IQCH: variants seen among roughly 807,000 people sequenced by gnomAD.
IQCH encodes IQ motif containing H, also known as IQ domain-containing protein H.
In IQCH, 98 loss-of-function variants were observed where a neutral mutation model predicts 117.0. The observed-to-expected ratio is 0.84, with a 90% CI of 0.71 to 0.99. IQCH has a LOEUF of 0.99. Ranked by LOEUF, IQCH falls within the 50% of genes least tolerant of loss-of-function variation. IQCH has a pLI of 0.00. For synonymous variants in IQCH, 412 were observed against 448.2 expected (o/e 0.92, Z 1.02); for missense variants, 1,102 against 1,243.8 (o/e 0.89, Z 1.72).
intron 12 of IQCH, 84 bp downstream of exon 12, chr15:67,389,090 C>A: frequency 9.8e-7 from 1 of 1,023,614 alleles, no homozygotes; most frequent in Non-Finnish European, 1.5e-6. Flanking sequence ...CGCTCTGGTA[C>A]ACATCAGTGA....
intron 15 of IQCH, among the ~76,000 whole-genome samples, chr15:67,418,636 T>C (rs2081641712): frequency 6.9e-6 from 1 of 144,534 alleles, no homozygotes; most frequent in Non-Finnish European, 1.5e-5. Context: ...TGGAGTGCAA[T>C]GGTGCGATCT....
At chr15:67,440,984 A>G (rs1392434625) in intron 16 of IQCH, among the ~76,000 whole-genome samples, 1 of 152,138 alleles carries the variant, frequency 6.6e-6, no homozygotes, top group African/African-American at 2.4e-5. Flanking sequence ...TCCTCCAGAA[A>G]GCTCCTAGAA....
rs749382813 is a variant in IQCH at position 67,372,192 on chromosome 15, A to G, written c.835A>G (p.Asn279Asp). The stretch of plus-strand genomic sequence containing the variant: ...TTTAATTTATGATGGTGTCATAGAC[A>G]ATACAGCCCCAGACTTCTTAGCATT... Reference protein sequence around the residue: ...DFLIYDGVIDNTAPDFLAFKE... With the variant: ...DFLIYDGVIDDTAPDFLAFKE... The change falls in exon 9 of 21, where the codon AAT becomes GAT. Residue 279 changes from asparagine (N) to aspartate (D), a missense_variant. By Grantham distance (23) the Asn-to-Asp change is conservative. Transcript: ENST00000335894. 1.2e-6 allele frequency: 2 copies of G among 1,614,004 alleles called. No individual in the cohort carries two copies. Among genetic ancestry groups the G allele is most frequent in the East Asian group, 4.5e-5 (2 of 44,894 alleles).
Position 67,472,432 on chromosome 15 carries a change from A to G in IQCH, c.2677-3264A>G, listed in dbSNP as rs1195429529. 6.6e-6 allele frequency among the ~76,000 whole-genome samples: 1 copy of G among 152,222 alleles called. No homozygotes were observed. Among genetic ancestry groups the G allele is most frequent in the Non-Finnish European group, 1.5e-5 (1 of 68,042 alleles). ...TCTGAATAGGAGGATGACACAGACC[A>G]ACCTGTGTTAGGGGGAAATGATTAA... On this transcript the variant is annotated intron_variant, in intron 17 of 20. Coordinates refer to ENST00000335894, the MANE Select transcript of IQCH (RefSeq NM_001031715.3). The surrounding 1 kb of genome is among the most constrained non-coding windows in gnomAD (Gnocchi z 4.3).
At chr15:67,336,614 A>G (rs1284845431) in intron 4 of IQCH, among the ~76,000 whole-genome samples, 2 of 152,122 alleles carry the variant, frequency 1.3e-5, no homozygotes, top group African/African-American at 4.8e-5. Context: ...TTCCTGGGAA[A>G]TTTTTTGGTA....
chr15:67,330,123 G>A (rs953172405), intron 4 of IQCH, among the ~76,000 whole-genome samples: 16 of 152,032 alleles, frequency 1.1e-4, no homozygotes, highest in African/African-American at 3.9e-4. Flanking sequence ...GAGTCAGTAG[G>A]TTCCTATACC....
At chr15:67,437,689 G>C (rs184967701) in intron 16 of IQCH, among the ~76,000 whole-genome samples, 4 of 152,248 alleles carry the variant, frequency 2.6e-5, no homozygotes, top group African/African-American at 9.6e-5. Flanking sequence ...CAAGGAAATA[G>C]CTTAAAGAAA....
Position 67,457,970 on chromosome 15 carries a change from CT to C in IQCH, c.2506-7156del, listed in dbSNP as rs1314513327. 8.6e-6 allele frequency among the ~76,000 whole-genome samples: 1 copy of C among 116,146 alleles called. No individual in the cohort carries two copies. Among genetic ancestry groups the C allele is most frequent in the Non-Finnish European group, 1.9e-5 (1 of 51,852 alleles). The allele number at this position is 116,146 out of a possible 152,430, so 76.2% of individuals were successfully genotyped here. On this transcript the variant is annotated intron_variant, in intron 16 of 20. Coordinates refer to ENST00000335894, the MANE Select transcript of IQCH (RefSeq NM_001031715.3). This position sits in a 1 kb window ranked among gnomAD's most constrained non-coding sequence, Gnocchi z 5.7. ...CTCTGCCTTGTCCCCTGGGGAAGGC[CT>C]CAGGTCCTATAGACCTCACTTCTCA...
Position 67,416,884 on chromosome 15 carries a change from T to G in IQCH, c.2098-47T>G. ...TTAATCACTCCACAAGCAGTTTTCA[T>G]TTCTGTAGTAAAATTGCTTGTGGTT... On this transcript the variant is annotated intron_variant, in intron 14 of 20. Transcript: ENST00000335894. The surrounding 1 kb of genome is among the most constrained non-coding windows in gnomAD (Gnocchi z 5.1). The G allele has an allele frequency of 6.6e-7, 1 of 1,504,974 alleles. No homozygotes were observed. Among genetic ancestry groups the G allele is most frequent in the South Asian group, 1.3e-5 (1 of 74,606 alleles). The allele number at this position is 1,504,974 out of a possible 1,614,324, so 93.2% of individuals were successfully genotyped here.
intron 4 of IQCH, among the ~76,000 whole-genome samples, chr15:67,314,043 T>A (rs903123284): frequency 1.3e-5 from 2 of 152,140 alleles, no homozygotes; most frequent in African/African-American, 4.8e-5. Flanking sequence ...AAATGGCCAC[T>A]CAGAACTGGC....
In IQCH at chr15:67,413,097, G is replaced by GTGTC. The variant is rs1555487442; in HGVS notation, c.2098-3830_2098-3827dup. Among the ~76,000 whole-genome samples the GTGTC allele has an allele frequency of 6.6e-5, 10 of 151,522 alleles. No individual in the cohort carries two copies. The highest frequency in any genetic ancestry group is 1.3e-4 in the Non-Finnish European group (9 of 68,006). On this transcript the variant is annotated intron_variant, in intron 14 of 20. Transcript: ENST00000335894. The surrounding 1 kb of genome is among the most constrained non-coding windows in gnomAD (Gnocchi z 5.0). Reference sequence around the variant, plus strand: ...TGTGTGTGTGTGTGTGTGTGTGTGTGTGTCTGTGTGTACATAAGTTTGTTT... The same window carrying GTGTC: ...TGTGTGTGTGTGTGTGTGTGTGTGTGTGTCTGTCTGTGTGTACATAAGTTTGTTT...
At position 67,417,608 on chromosome 15, in the gene IQCH, A is replaced by G. The variant is rs749602865; in HGVS notation, c.2218+557A>G. Reference sequence around the variant, plus strand: ...CAATCCAGGAACAAAGCGAGCCTCCATTCCTTTCATCCTCCTCCTCCTACT... The same window carrying G: ...CAATCCAGGAACAAAGCGAGCCTCCGTTCCTTTCATCCTCCTCCTCCTACT... On this transcript the variant is annotated intron_variant, in intron 15 of 20. Transcript: ENST00000335894. This position sits in a 1 kb window ranked among gnomAD's most constrained non-coding sequence, Gnocchi z 4.3. Among the ~76,000 whole-genome samples, 1 of 152,176 alleles carries G rather than the reference A, an allele frequency of 6.6e-6. No homozygotes were observed. The highest frequency in any genetic ancestry group is 1.5e-5 in the Non-Finnish European group (1 of 68,022).
At chr15:67,392,307 G>C (rs142990200) in intron 12 of IQCH, among the ~76,000 whole-genome samples, 3 of 152,242 alleles carry the variant, frequency 2.0e-5, no homozygotes, top group African/African-American at 7.2e-5. Flanking sequence ...CATTCAGTTC[G>C]TTTTCTTTTA....
chr15:67,322,022 A>C (rs1261118202), intron 4 of IQCH, among the ~76,000 whole-genome samples: 1 of 152,218 alleles, frequency 6.6e-6, no homozygotes, highest in East Asian at 1.9e-4. Context: ...TTTTTTAAAA[A>C]TTAATTGTTC....
At chr15:67,257,353 A>C (rs568943199) in intron 1 of IQCH, among the ~76,000 whole-genome samples, 2 of 152,194 alleles carry the variant, frequency 1.3e-5, no homozygotes, top group African/African-American at 4.8e-5. Context: ...TGTGCAATAG[A>C]CTGTAAAGCA....
chr15:67,267,026 T>C (rs1965704600), intron 3 of IQCH, among the ~76,000 whole-genome samples: 1 of 152,236 alleles, frequency 6.6e-6, no homozygotes, highest in South Asian at 2.1e-4. Flanking sequence ...CTGCAGTCCA[T>C]TCTAATGCGC....
rs71142373 is a variant in IQCH at position 67,358,207 on chromosome 15, C to CTTTTTTTTTTTTTTTTTTTTTTTTTTTTT, written c.714+801_714+802insTTTTTTTTTTTTTTTTTTTTTTTTTTTTT. Reference sequence around the variant, plus strand: ...TAACCATCATGAGGCACTTTCTTTTCTTTTTTTTTTTTTTTGAGATGGAGT... The same window carrying CTTTTTTTTTTTTTTTTTTTTTTTTTTTTT: ...TAACCATCATGAGGCACTTTCTTTTCTTTTTTTTTTTTTTTTTTTTTTTTTTTTTTTTTTTTTTTTTTTTGAGATGGAGT... On this transcript the variant is annotated intron_variant, in intron 7 of 20. Transcript: ENST00000335894. Among the ~76,000 whole-genome samples, 85 of 10,454 alleles carry CTTTTTTTTTTTTTTTTTTTTTTTTTTTTT rather than the reference C, an allele frequency of 8.1e-3. 40 individuals are homozygous for CTTTTTTTTTTTTTTTTTTTTTTTTTTTTT. The highest frequency in any genetic ancestry group is 0.013 in the South Asian group (2 of 152). 6.9% of individuals were successfully genotyped at this position (10,454 alleles called of 152,430 possible).
intron 18 of IQCH, among the ~76,000 whole-genome samples, chr15:67,484,547 G>A (rs1449434837): frequency 6.8e-6 from 1 of 147,402 alleles, no homozygotes; most frequent in Admixed American, 6.9e-5. Flanking sequence ...TGGTTAGCAT[G>A]GTGAAACCCT....
chr15:67,288,309 G>T lies in IQCH; in HGVS notation c.387+8797G>T, dbSNP rs115787292. ...CTGATGTTCCTTTGCTGATTTTTCTGTCTGGAAGATCTGTTTAATGCTGAA... is the reference window on the plus strand; with the variant it reads ...CTGATGTTCCTTTGCTGATTTTTCTTTCTGGAAGATCTGTTTAATGCTGAA... On this transcript the variant is annotated intron_variant, in intron 4 of 20. Transcript: ENST00000335894. Among the ~76,000 whole-genome samples, 996 of 152,176 alleles carry T rather than the reference G, an allele frequency of 6.5e-3. 13 individuals are homozygous for T. The highest frequency in any genetic ancestry group is 0.023 in the African/African-American group (955 of 41,542).
Sources: gnomAD v4.1 joint callset for allele counts (sites outside exome capture counted in the v4.1 genomes callset) on GRCh38, gnomAD v4.1.1 for gene constraint, Gnocchi (gnomAD v3.1) non-coding constraint, MANE v1.5 for transcripts, NCBI Gene and HGNC (gene_info 2026-07-23, HGNC 2026-07-21) for gene names.